The following SFTPA1 variants were observed in gnomAD, a reference collection of about 807,000 sequenced individuals.
SFTPA1 encodes the protein surfactant protein A1.
A neutral mutation model predicts 19.1 loss-of-function variants in SFTPA1; 13 were observed. That is an observed-to-expected ratio of 0.68 (90% confidence interval 0.44 to 1.08). The LOEUF is 1.08. SFTPA1 is among the 50% of genes least tolerant of loss of function. The probability of loss-of-function intolerance (pLI) is 0.00; values close to 1 mark genes in which losing one functional copy is unlikely to be tolerated. For missense variants in SFTPA1, 259 were observed against 316.4 expected (o/e 0.82, Z 1.38); for synonymous variants, 101 against 117.0 (o/e 0.86, Z 0.88).
chr10:79,613,347 G>A (rs930395660), intron 5 of SFTPA1, 81 bp downstream of exon 5: 1 of 1,599,266 alleles, frequency 6.3e-7, no homozygotes, highest in Non-Finnish European at 8.6e-7. Flanking sequence ...CTAGAACATA[G>A]AGATTACAAA....
Position 79,615,054 on chromosome 10 carries a change from A to G in SFTPA1, c.*941A>G. ...TTTTTTTCCCAGAGCTTATGTCTTC[A>G]TCTGTGAAATGGGAATAAGATACTT... is the stretch of plus-strand genomic sequence containing the variant. On this transcript the variant is annotated 3_prime_UTR_variant, in exon 6 of 6. Transcript: ENST00000398636. The G allele has an allele frequency of 3.8e-6, 5 of 1,305,260 alleles. No homozygotes were observed. The highest frequency in any genetic ancestry group is 5.1e-6 in the Non-Finnish European group (5 of 988,932). The allele number at this position is 1,305,260 out of a possible 1,614,324, so 80.9% of individuals were successfully genotyped here. A position where few individuals can be genotyped will look rare whatever the true frequency, so the allele number is the denominator to read the frequency against.
At position 79,612,168 on chromosome 10, in the gene SFTPA1, T is replaced by A. The variant is rs4253513; in HGVS notation, c.173-144T>A. On this transcript the variant is annotated intron_variant, in intron 3 of 5. Transcript: ENST00000398636. ...TTCCTGGGGCCCTTATGATGGCGCA[T>A]CCTGGAGAGTCTGTCCTCATAGTGC... 3.3e-4 allele frequency: 525 copies of A among 1,596,020 alleles called. 1 individual carries two copies. The African/African-American group carries it at 6.4e-3, about 19-fold the overall frequency.
chr10:79,611,907 G>C lies in SFTPA1; in HGVS notation c.82G>C (p.Gly28Arg). The change falls in exon 3 of 6, where the codon GGA becomes CGA. Residue 28 changes from glycine (G) to arginine (R), a missense_variant. Physicochemically the swap from Gly to Arg is moderately radical, Grantham distance 125 (BLOSUM62 -2). Coordinates refer to ENST00000398636, the MANE Select transcript of SFTPA1 (RefSeq NM_005411.5). ...GTGCGAAGTGAAGGACGTTTGTGTT[G>C]GAAGCCCTGGTATCCCCGGCACTCC... is the stretch of plus-strand genomic sequence containing the variant. ...AVCEVKDVCV[G>R]SPGIPGTPGS... 2.5e-6 allele frequency: 4 copies of C among 1,613,962 alleles called. No homozygotes were observed. Among genetic ancestry groups the C allele is most frequent in the Non-Finnish European group, 2.5e-6 (3 of 1,179,852 alleles).
chr10:79,611,594 A>G lies in SFTPA1; in HGVS notation c.-24+205A>G, dbSNP rs1227736563. 2.6e-6 allele frequency: 4 copies of G among 1,550,632 alleles called. No homozygotes were observed. In the East Asian group the frequency reaches 9.8e-5, roughly 38 times the overall value. ...TCCTCCTCAGCAGCCTGGAGACCCC[A>G]CAACCTCCAGCCGGAGGCCTGAAGC... On this transcript the variant is annotated intron_variant, in intron 2 of 5. Transcript: ENST00000398636.
Position 79,614,691 on chromosome 10 carries a change from A to G in SFTPA1, c.*578A>G. On this transcript the variant is annotated 3_prime_UTR_variant, in exon 6 of 6. Transcript: ENST00000398636. Reference sequence around the variant, plus strand: ...AGGTTAGAAGGCCAGGTAGTGTTCCAGCAGGGTGGTGGCCAAGCCAACCCC... The same window carrying G: ...AGGTTAGAAGGCCAGGTAGTGTTCCGGCAGGGTGGTGGCCAAGCCAACCCC... The G allele has an allele frequency of 3.5e-6, 1 of 289,150 alleles. No homozygotes were observed. The highest frequency in any genetic ancestry group is 3.8e-5 in the South Asian group (1 of 26,620). The allele number at this position is 289,150 out of a possible 1,614,324, so 17.9% of individuals were successfully genotyped here. A position where few individuals can be genotyped will look rare whatever the true frequency, so the allele number is the denominator to read the frequency against.
intron 2 of SFTPA1, 108 bp downstream of exon 2, chr10:79,611,497 G>A (rs1413182151): frequency 2.3e-6 from 3 of 1,299,698 alleles, no homozygotes; most frequent in Non-Finnish European, 2.1e-6. Flanking sequence ...GGGTAACATA[G>A]TGAGGCACTG....
Position 79,614,089 on chromosome 10 carries a change from C to T in SFTPA1, c.723C>T (p.Ser241=). ...GGAATGACAGGAACTGCCTGTACTC[C>T]CGACTGACCATCTGTGAGTTCTGAG... The part of the protein sequence containing the change: ...GQWNDRNCLY[S]RLTICEF The change falls in exon 6 of 6, where the codon TCC becomes TCT. Residue 241 remains serine (S), a synonymous_variant. Coordinates refer to ENST00000398636, the MANE Select transcript of SFTPA1 (RefSeq NM_005411.5). 1.2e-6 allele frequency: 2 copies of T among 1,614,184 alleles called. No homozygotes were observed. The highest frequency in any genetic ancestry group is 1.7e-6 in the Non-Finnish European group (2 of 1,180,014).
rs1298917534 is a variant in SFTPA1 at position 79,612,365 on chromosome 10, C to T, written c.226C>T (p.Pro76Ser). The change falls in exon 4 of 6, where the codon CCT (proline) becomes TCT (serine). Residue 76 changes from proline to serine, a missense_variant. Pro to Ser is a moderately conservative substitution (Grantham distance 74). Transcript: ENST00000398636. ...MPCPPGNDGL[P>S]GAPGIPGECG... The stretch of plus-strand genomic sequence containing the variant: ...ATGTCCTCCTGGAAATGATGGGCTG[C>T]CTGGAGCCCCTGGTATCCCTGGAGA... 22 of 1,613,702 alleles carry T rather than the reference C, an allele frequency of 1.4e-5. No homozygotes were observed. The highest frequency in any genetic ancestry group is 1.8e-5 in the Non-Finnish European group (21 of 1,179,868).
chr10:79,612,604 T>G lies in SFTPA1; in HGVS notation c.292+173T>G, dbSNP rs866783025. ...AGAAAGCTGAGGTGTCTGGGGAGTGTGGTCACAATTCAGGGAAAGGCAGGT... is the reference window on the plus strand; with the variant it reads ...AGAAAGCTGAGGTGTCTGGGGAGTGGGGTCACAATTCAGGGAAAGGCAGGT... On this transcript the variant is annotated intron_variant, in intron 4 of 5. Coordinates refer to ENST00000398636, the MANE Select transcript of SFTPA1 (RefSeq NM_005411.5). Among the ~76,000 whole-genome samples the G allele has an allele frequency of 6.6e-5, 10 of 151,884 alleles. 1 individual carries two copies. The highest frequency in any genetic ancestry group is 5.9e-4 in the Admixed American group (9 of 15,270).
intron 4 of SFTPA1, 105 bp from the exon 5 acceptor site, chr10:79,613,084 T>C (rs1018029049): frequency 1.9e-6 from 3 of 1,603,320 alleles, no homozygotes; most frequent in African/African-American, 2.7e-5. Context: ...CTAACAGCAA[T>C]GAAAGGGCAG....
In SFTPA1 at chr10:79,614,466, A is replaced by C. The variant is rs1860050585; in HGVS notation, c.*353A>C. The C allele has an allele frequency of 3.4e-6, 1 of 297,746 alleles. No homozygotes were observed. Among genetic ancestry groups the C allele is most frequent in the Admixed American group, 4.5e-5 (1 of 22,050 alleles). 18.4% of individuals were successfully genotyped at this position (297,746 alleles called of 1,614,324 possible). On this transcript the variant is annotated 3_prime_UTR_variant, in exon 6 of 6. Coordinates refer to ENST00000398636, the MANE Select transcript of SFTPA1 (RefSeq NM_005411.5). ...GTCTTGGGGTAGAAGGACCCTCCAA[A>C]GTCACACAAAGTGCCTGCCTCCTGG...
intron 4 of SFTPA1, 134 bp from the exon 5 acceptor site, chr10:79,613,055 C>T: frequency 1.3e-6 from 2 of 1,562,162 alleles, no homozygotes; most frequent in East Asian, 4.5e-5. Flanking sequence ...ACCCTCTGAG[C>T]CTAGGGTCTG....
Position 79,615,043 on chromosome 10 carries a change from C to A in SFTPA1, c.*930C>A. 7.7e-7 allele frequency: 1 copy of A among 1,305,106 alleles called. No individual in the cohort carries two copies. The allele number at this position is 1,305,106 out of a possible 1,614,324, so 80.8% of individuals were successfully genotyped here. The stretch of plus-strand genomic sequence containing the variant: ...AGTTGAAGATTTTTTTTTCCCAGAG[C>A]TTATGTCTTCATCTGTGAAATGGGA... On this transcript the variant is annotated 3_prime_UTR_variant, in exon 6 of 6. Transcript: ENST00000398636.
chr10:79,611,625 G>A (rs1465888804), intron 2 of SFTPA1, 178 bp from the exon 3 acceptor site: 3 of 1,551,978 alleles, frequency 1.9e-6, no homozygotes, highest in Non-Finnish European at 2.6e-6. Context: ...GAAGCATGAG[G>A]CCATGCCAGG....
Position 79,611,921 on chromosome 10 carries a change from C to G in SFTPA1, c.96C>G (p.Ile32Met), listed in dbSNP as rs148741681. 6.2e-7 allele frequency: 1 copy of G among 1,613,810 alleles called. No individual in the cohort carries two copies. The highest frequency in any genetic ancestry group is 1.7e-5 in the Admixed American group (1 of 59,996). Residue 32 changes from isoleucine (I) to methionine (M), a missense_variant, in exon 3 of 6, where the codon ATC (isoleucine) becomes ATG (methionine). Coordinates refer to ENST00000398636, the MANE Select transcript of SFTPA1 (RefSeq NM_005411.5). ...ACGTTTGTGTTGGAAGCCCTGGTAT[C>G]CCCGGCACTCCTGGATCCCACGGCC... is the stretch of plus-strand genomic sequence containing the variant. Reference protein sequence around the residue: ...VKDVCVGSPGIPGTPGSHGLP... With the variant: ...VKDVCVGSPGMPGTPGSHGLP...
rs2132148113 is a variant in SFTPA1, at chr10:79,615,103, C to A, written c.*990C>A. 1 of 1,302,358 alleles carries A rather than the reference C, an allele frequency of 7.7e-7. No individual in the cohort carries two copies. The highest frequency in any genetic ancestry group is 1.0e-6 in the Non-Finnish European group (1 of 987,384). The allele number at this position is 1,302,358 out of a possible 1,614,324, so 80.7% of individuals were successfully genotyped here. ...TTGTTGCTGTCACAGTTATTACCAT[C>A]CCCCCAGCTACCAAAATTACTACCA... On this transcript the variant is annotated 3_prime_UTR_variant, in exon 6 of 6. Transcript: ENST00000398636.
At position 79,613,906 on chromosome 10, in the gene SFTPA1, G is replaced by A. The variant is rs755294650; in HGVS notation, c.540G>A (p.Lys180=). The change falls in exon 6 of 6, where the codon AAG becomes AAA. Residue 180 remains lysine (K), a synonymous_variant. Coordinates refer to ENST00000398636, the MANE Select transcript of SFTPA1 (RefSeq NM_005411.5). ...ENEAIASFVK[K]YNTYAYVGLT... is the part of the protein sequence containing the mutation. The stretch of plus-strand genomic sequence containing the variant: ...AGGCCATTGCAAGCTTCGTGAAGAA[G>A]TACAACACATATGCCTATGTAGGCC... The A allele has an allele frequency of 1.1e-5, 18 of 1,613,906 alleles. No individual in the cohort carries two copies. Among genetic ancestry groups the A allele is most frequent in the Non-Finnish European group, 1.4e-5 (17 of 1,179,886 alleles).
In SFTPA1 at chr10:79,613,987, C is replaced by G. The variant is rs761796084; in HGVS notation, c.621C>G (p.Asn207Lys). ...GCTACTCAGACGGGACCCCTGTAAACTACACCAACTGGTACCGAGGGGAGC... is the reference window on the plus strand; with the variant it reads ...GCTACTCAGACGGGACCCCTGTAAAGTACACCAACTGGTACCGAGGGGAGC... ...DFRYSDGTPV[N>K]YTNWYRGEPA... Residue 207 changes from asparagine (N) to lysine (K), a missense_variant, in exon 6 of 6, where the codon AAC becomes AAG. Coordinates refer to ENST00000398636, the MANE Select transcript of SFTPA1 (RefSeq NM_005411.5). 7 of 1,614,128 alleles carry G rather than the reference C, an allele frequency of 4.3e-6. No homozygotes were observed. The highest frequency in any genetic ancestry group is 5.9e-6 in the Non-Finnish European group (7 of 1,180,054).
In SFTPA1 at chr10:79,613,875, A is replaced by G. The variant is rs1440551228; in HGVS notation, c.509A>G (p.Glu170Gly). The G allele has an allele frequency of 1.9e-6, 3 of 1,613,874 alleles. No homozygotes were observed. The highest frequency in any genetic ancestry group is 3.3e-5 in the Admixed American group (2 of 60,006). The change falls in exon 6 of 6, where the codon GAA becomes GGA. Residue 170 changes from glutamate to glycine, a missense_variant. Glu to Gly is a moderately conservative substitution (Grantham distance 98). Transcript: ENST00000398636. Reference protein sequence around the residue: ...GRIAVPRNPEENEAIASFVKK... With the variant: ...GRIAVPRNPEGNEAIASFVKK... Reference sequence around the variant, plus strand: ...ATTGCTGTCCCAAGGAATCCAGAGGAAAATGAGGCCATTGCAAGCTTCGTG... The same window carrying G: ...ATTGCTGTCCCAAGGAATCCAGAGGGAAATGAGGCCATTGCAAGCTTCGTG...
Sources: gnomAD v4.1 joint callset for allele counts (sites outside exome capture counted in the v4.1 genomes callset) on GRCh38, gnomAD v4.1.1 for gene constraint, MANE v1.5 for transcripts, NCBI Gene and HGNC (gene_info 2026-07-23, HGNC 2026-07-21) for gene names.